LHFPL3: variants seen among roughly 807,000 people sequenced by gnomAD.
LHFPL3 encodes the protein LHFPL tetraspan subfamily member 3.
LHFPL3 carries 5 observed loss-of-function variants against 19.3 expected under a neutral mutation model. The ratio of observed to expected loss-of-function variants is 0.26; its 90% CI spans 0.14 to 0.54. The LOEUF (loss-of-function observed/expected upper bound fraction) is 0.54. Ranked by LOEUF, LHFPL3 falls within the 20% of genes least tolerant of loss-of-function variation. LHFPL3 has a pLI of 0.94. For synonymous variants in LHFPL3, 133 were observed against 126.2 expected, an observed-to-expected ratio of 1.05 and a Z score of -0.36; for missense variants, 249 against 307.4, an observed-to-expected ratio of 0.81 and a Z score of 1.42.
chr7:104,706,712 CA>C (rs1388208699), intron 1 of LHFPL3, among the ~76,000 whole-genome samples: 1 of 152,162 alleles, frequency 6.6e-6, no homozygotes, highest in African/African-American at 2.4e-5. Context: ...GAATGTTTCA[CA>C]AAATGCCTTA....
chr7:104,789,397 G>A (rs1210228983), intron 2 of LHFPL3, among the ~76,000 whole-genome samples: 5 of 152,040 alleles, frequency 3.3e-5, no homozygotes, highest in African/African-American at 1.2e-4. Context: ...AGACTCTTGG[G>A]GTTCAGAGAA....
At chr7:104,558,476 T>C (rs1789908129) in intron 1 of LHFPL3, among the ~76,000 whole-genome samples, 2 of 152,190 alleles carry the variant, frequency 1.3e-5, no homozygotes, top group African/African-American at 4.8e-5. Flanking sequence ...ACAAATGTCT[T>C]CTTTTGAGAA....
intron 2 of LHFPL3, among the ~76,000 whole-genome samples, chr7:104,840,118 A>G (rs1051975012): frequency 6.6e-6 from 1 of 151,994 alleles, no homozygotes; most frequent in Non-Finnish European, 1.5e-5. Context: ...GCTTCATTTT[A>G]TAGATTAGGA....
chr7:104,585,325 C>T lies in LHFPL3; in HGVS notation c.446-151350C>T, dbSNP rs140994244. Among the ~76,000 whole-genome samples the T allele has an allele frequency of 1.1e-3, 166 of 152,232 alleles. 1 individual carries two copies. Among genetic ancestry groups the T allele is most frequent in the Non-Finnish European group, 2.5e-4 (17 of 68,004 alleles). ...TTGATCCTTTAAAGAGAAAGTTTGA[C>T]ATTTACCATAAGCAAGTATTATTTT... is the stretch of plus-strand genomic sequence containing the variant. On this transcript the variant is annotated intron_variant, in intron 1 of 2. Coordinates refer to ENST00000424859, the MANE Select transcript of LHFPL3 (RefSeq NM_199000.3).
chr7:104,850,340 G>A (rs897879379), intron 2 of LHFPL3, among the ~76,000 whole-genome samples: 7 of 152,154 alleles, frequency 4.6e-5, no homozygotes, highest in Non-Finnish European at 1.0e-4. Context: ...GGTTTTTGCC[G>A]TTATCGTTTC....
rs964590671 is a variant in LHFPL3 at position 104,548,989 on chromosome 7, T to C, written c.446-187686T>C. Among the ~76,000 whole-genome samples the C allele has an allele frequency of 2.6e-5, 4 of 152,290 alleles. No homozygotes were observed. In the East Asian group the frequency reaches 7.7e-4, roughly 29 times the overall value. ...TGGGCAGAATTTCAGTCAGGAAATA[T>C]GTGGGAGAAATGGACATTACTTCAA... On this transcript the variant is annotated intron_variant, in intron 1 of 2. Coordinates refer to ENST00000424859, the MANE Select transcript of LHFPL3 (RefSeq NM_199000.3).
At chr7:104,650,985 A>G (rs2115938400) in intron 1 of LHFPL3, among the ~76,000 whole-genome samples, 1 of 152,330 alleles carries the variant, frequency 6.6e-6, no homozygotes, top group Non-Finnish European at 1.5e-5. Flanking sequence ...AGGACTTTTA[A>G]GAATCTAACT....
intron 2 of LHFPL3, among the ~76,000 whole-genome samples, chr7:104,752,076 T>A (rs1200685065): frequency 6.6e-6 from 1 of 152,128 alleles, no homozygotes; most frequent in Non-Finnish European, 1.5e-5. Flanking sequence ...TGGGTCTTAT[T>A]TTCTTTAACC....
chr7:104,432,607 C>G (rs1792023979), intron 1 of LHFPL3, among the ~76,000 whole-genome samples: 1 of 152,120 alleles, frequency 6.6e-6, no homozygotes, highest in African/African-American at 2.4e-5. Context: ...CTCTGTTGCA[C>G]TGTCTACTCA....
At position 104,566,053 on chromosome 7, in the gene LHFPL3, C is replaced by G. The variant is rs377148084; in HGVS notation, c.446-170622C>G. Among the ~76,000 whole-genome samples, 44 of 152,162 alleles carry G rather than the reference C, an allele frequency of 2.9e-4. No individual in the cohort carries two copies. The Middle Eastern group carries it at 0.01, about 35-fold the overall frequency. ...CTCTAATCAGTTTTGTGACTCGGAACTCACCTTCTCATGGCTGGGCATGAT... is the reference window on the plus strand; with the variant it reads ...CTCTAATCAGTTTTGTGACTCGGAAGTCACCTTCTCATGGCTGGGCATGAT... On this transcript the variant is annotated intron_variant, in intron 1 of 2. Coordinates refer to ENST00000424859, the MANE Select transcript of LHFPL3 (RefSeq NM_199000.3).
At chr7:104,341,780 T>A (rs1178202098) in intron 1 of LHFPL3, among the ~76,000 whole-genome samples, 1 of 152,202 alleles carries the variant, frequency 6.6e-6, no homozygotes, top group Non-Finnish European at 1.5e-5. Flanking sequence ...ATCTTGTACT[T>A]CTGAGAACTT....
chr7:104,755,748 TG>T (rs1372727766), intron 2 of LHFPL3, among the ~76,000 whole-genome samples: 1 of 152,178 alleles, frequency 6.6e-6, no homozygotes, highest in Non-Finnish European at 1.5e-5. Context: ...CAGGCTGGAG[TG>T]CAATGGCACA....
At chr7:104,381,330 G>C (rs1447068387) in intron 1 of LHFPL3, among the ~76,000 whole-genome samples, 4 of 152,066 alleles carry the variant, frequency 2.6e-5, no homozygotes, top group African/African-American at 9.7e-5. Context: ...CTACTATTGG[G>C]CTTCTAGTAT....
chr7:104,463,561 G>A (rs1490727050), intron 1 of LHFPL3, among the ~76,000 whole-genome samples: 1 of 152,158 alleles, frequency 6.6e-6, no homozygotes, highest in African/African-American at 2.4e-5. Context: ...TTGACTCACA[G>A]TTTAGCATGG....
At chr7:104,592,925 G>T (rs377481042) in intron 1 of LHFPL3, among the ~76,000 whole-genome samples, 2 of 152,134 alleles carry the variant, frequency 1.3e-5, no homozygotes, top group Non-Finnish European at 2.9e-5. Flanking sequence ...ATAATCTCCC[G>T]GTGTGCCATT....
At position 104,906,486 on chromosome 7, in the gene LHFPL3, G is replaced by A; in HGVS notation, c.*271G>A. On this transcript the variant is annotated 3_prime_UTR_variant, in exon 3 of 3. Transcript: ENST00000424859. Reference sequence around the variant, plus strand: ...TTGGATGAGATCAGAAAACGTTCATGAAAAATCATATTCAGGAAATAAGGA... The same window carrying A: ...TTGGATGAGATCAGAAAACGTTCATAAAAAATCATATTCAGGAAATAAGGA... 4.4e-6 allele frequency: 2 copies of A among 454,940 alleles called. No homozygotes were observed. Among genetic ancestry groups the A allele is most frequent in the East Asian group, 3.4e-5 (1 of 29,850 alleles). The allele number at this position is 454,940 out of a possible 1,614,324, so 28.2% of individuals were successfully genotyped here. A position where few individuals can be genotyped will look rare whatever the true frequency, so the allele number is the denominator to read the frequency against.
intron 2 of LHFPL3, among the ~76,000 whole-genome samples, chr7:104,856,921 C>T (rs1001155579): frequency 1.3e-5 from 2 of 152,174 alleles, no homozygotes; most frequent in Non-Finnish European, 2.9e-5. Flanking sequence ...CAGAAAATCT[C>T]AGGCTGCAAG....
chr7:104,533,900 C>T (rs1161600364), intron 1 of LHFPL3, among the ~76,000 whole-genome samples: 2 of 152,186 alleles, frequency 1.3e-5, no homozygotes, highest in Admixed American at 6.5e-5. Flanking sequence ...CCCTCAACCA[C>T]CCAGGCTAAC....
At chr7:104,479,687 C>T (rs1321320319) in intron 1 of LHFPL3, among the ~76,000 whole-genome samples, 4 of 152,168 alleles carry the variant, frequency 2.6e-5, no homozygotes, top group South Asian at 2.1e-4. Context: ...CCACTACGCC[C>T]GTCCTCTTCT....
Sources: allele counts gnomAD v4.1 joint callset (sites outside exome capture counted in the v4.1 genomes callset), GRCh38; gene constraint gnomAD v4.1.1; transcripts MANE v1.5; gene names NCBI Gene and HGNC (gene_info 2026-07-23, HGNC 2026-07-21).